The following ACTA1 variants were observed in gnomAD, a reference collection of about 807,000 sequenced individuals.
ACTA1 encodes actin alpha 1, skeletal muscle, also known as actin, alpha skeletal muscle.
A neutral mutation model predicts 35.8 loss-of-function variants in ACTA1; 25 were observed. That is an observed-to-expected ratio of 0.70 (90% CI 0.51 to 0.97). ACTA1 has a LOEUF of 0.97. Ranked by LOEUF, ACTA1 falls within the 50% of genes least tolerant of loss-of-function variation. The pLI is 0.00. For synonymous variants in ACTA1, 219 were observed against 217.1 expected (o/e 1.01, Z -0.08); for missense variants, 174 against 533.0 (o/e 0.33, Z 6.63).
rs1273559032 is a variant in ACTA1 at position 229,432,619 on chromosome 1, C to T, written c.391G>A (p.Val131Met). ...TGGATGGCCACGTACATGGCGGGCA[C>T]GTTGAAGGTCTCAAACATGATCTGG... The part of the protein sequence containing the change: ...MTQIMFETFN[V>M]PAMYVAIQAV... The change falls in exon 3 of 7, where the codon GTG becomes ATG. Residue 131 changes from valine to methionine, a missense_variant. Coordinates refer to ENST00000366684, the MANE Select transcript of ACTA1 (RefSeq NM_001100.4). 3.1e-6 allele frequency: 5 copies of T among 1,613,918 alleles called. No homozygotes were observed. The highest frequency in any genetic ancestry group is 4.2e-6 in the Non-Finnish European group (5 of 1,179,972).
In ACTA1 at chr1:229,432,229, G is replaced by C. The variant is rs749765603; in HGVS notation, c.616+41C>G. On this transcript the variant is annotated intron_variant, in intron 4 of 6. Transcript: ENST00000366684. ...GGAGAGGAGCCCTCACTCAGGGGCC[G>C]CCGCCGGCCCTCCCGCCCGGGGTGC... The C allele has an allele frequency of 2.5e-6, 4 of 1,612,532 alleles. No homozygotes were observed. In the East Asian group the frequency reaches 8.9e-5, roughly 36 times the overall value.
Position 229,431,914 on chromosome 1 carries a change from G to GA in ACTA1, c.809-13_809-12insT. ...CGCCGACTCCATACCTGGGGACCGCGGCGGGGAGCGTGAGCAGAAGCTCGG... is the reference window on the plus strand; with the variant it reads ...CGCCGACTCCATACCTGGGGACCGCGAGCGGGGAGCGTGAGCAGAAGCTCGG... On this transcript the variant is annotated splice_polypyrimidine_tract_variant and intron_variant, in intron 5 of 6. Transcript: ENST00000366684. This position sits in a 1 kb window ranked among gnomAD's most constrained non-coding sequence, Gnocchi z 7.1. 3 of 1,571,296 alleles carry GA rather than the reference G, an allele frequency of 1.9e-6. No individual in the cohort carries two copies. The highest frequency in any genetic ancestry group is 2.6e-6 in the Non-Finnish European group (3 of 1,159,048).
In ACTA1 at chr1:229,431,955, C is replaced by T. The variant is rs1571892875; in HGVS notation, c.808+39G>A. Reference sequence around the variant, plus strand: ...AGAAGCTCGGGGCGCCGGGGGCCGGCGGGGCCTGGGGGCCGGGGCGAGGGC... The same window carrying T: ...AGAAGCTCGGGGCGCCGGGGGCCGGTGGGGCCTGGGGGCCGGGGCGAGGGC... On this transcript the variant is annotated intron_variant, in intron 5 of 6. Transcript: ENST00000366684. This position sits in a 1 kb window ranked among gnomAD's most constrained non-coding sequence, Gnocchi z 7.1. The T allele has an allele frequency of 6.9e-6, 11 of 1,605,722 alleles. No homozygotes were observed. The highest frequency in any genetic ancestry group is 5.5e-5 in the South Asian group (5 of 90,676).
rs1416312998 is a variant in ACTA1 at position 229,432,187 on chromosome 1, T to G, written c.617-2A>C. On this transcript the variant is annotated splice_acceptor_variant, in intron 4 of 6. Transcript: ENST00000366684. LOFTEE classifies it high-confidence loss of function. ...TGTCGCGCACGATCTCGCGCTCAGC[T>G]GCGGAGGGCAGAAGCAGGAGAGGAG... 1.2e-6 allele frequency: 2 copies of G among 1,613,364 alleles called. No homozygotes were observed. Among genetic ancestry groups the G allele is most frequent in the Non-Finnish European group, 1.7e-6 (2 of 1,179,700 alleles).
rs200705851 is a variant in ACTA1, at chr1:229,432,250, G to T, written c.616+20C>A. On this transcript the variant is annotated intron_variant, in intron 4 of 6. Transcript: ENST00000366684. Reference sequence around the variant, plus strand: ...GGCCGCCGCCGGCCCTCCCGCCCGGGGTGCAGGGGCGCCGCGCACCTGTGG... The same window carrying T: ...GGCCGCCGCCGGCCCTCCCGCCCGGTGTGCAGGGGCGCCGCGCACCTGTGG... 93 of 1,613,320 alleles carry T rather than the reference G, an allele frequency of 5.8e-5. 1 individual carries two copies. The highest frequency in any genetic ancestry group is 2.5e-4 in the Admixed American group (15 of 59,950).
intron 1 of ACTA1, 65 bp from the exon 2 acceptor site, chr1:229,433,192 G>A (rs553810590): frequency 5.7e-5 from 91 of 1,608,388 alleles, no homozygotes; most frequent in Middle Eastern, 1.8e-4. Context: ...GCGGCAGGGG[G>A]GGGTAAGCCT....
chr1:229,431,719 A>T lies in ACTA1; in HGVS notation c.990+2T>A. On this transcript the variant is annotated splice_donor_variant, in intron 6 of 6. Transcript: ENST00000366684. LOFTEE classifies it high-confidence loss of function. The surrounding 1 kb of genome is among the most constrained non-coding windows in gnomAD (Gnocchi z 7.1). ...CGACAGCCCGCGCAGGCCACCACCC[A>T]CCTTGATCTTCATGGTGCTGGGTGC... 6.2e-7 allele frequency: 1 copy of T among 1,613,968 alleles called. No homozygotes were observed.
rs977214453 is a variant in ACTA1 at position 229,432,169 on chromosome 1, C to T, written c.633G>A (p.Val211=). The T allele has an allele frequency of 1.2e-6, 2 of 1,613,592 alleles. No homozygotes were observed. Among genetic ancestry groups the T allele is most frequent in the Non-Finnish European group, 1.7e-6 (2 of 1,179,840 alleles). ...AGCACAGCTTCTCCTTGATGTCGCG[C>T]ACGATCTCGCGCTCAGCTGCGGAGG... ...SFVTTAEREI[V]RDIKEKLCYV... The change falls in exon 5 of 7, where the codon GTG becomes GTA. Residue 211 remains valine, a synonymous_variant. Transcript: ENST00000366684.
At position 229,432,303 on chromosome 1, in the gene ACTA1, G is replaced by A; in HGVS notation, c.583C>T (p.Leu195Phe). ...ACGAAGGAGTAGCCACGCTCAGTGA[G>A]GATCTTCATCAGGTAGTCGGTGAGA... ...RDLTDYLMKI[L>F]TERGYSFVTT... is the part of the protein sequence containing the mutation. The change falls in exon 4 of 7, where the codon CTC (leucine) becomes TTC (phenylalanine). Residue 195 changes from leucine to phenylalanine, a missense_variant. Transcript: ENST00000366684. 6.2e-7 allele frequency: 1 copy of A among 1,613,814 alleles called. No individual in the cohort carries two copies.
rs757210215 is a variant in ACTA1 at position 229,431,928 on chromosome 1, G to T, written c.809-26C>A. 5.0e-6 allele frequency: 8 copies of T among 1,603,454 alleles called. No homozygotes were observed. Among genetic ancestry groups the T allele is most frequent in the South Asian group, 1.1e-5 (1 of 90,860 alleles). ...CTGGGGACCGCGGCGGGGAGCGTGAGCAGAAGCTCGGGGCGCCGGGGGCCG... is the reference window on the plus strand; with the variant it reads ...CTGGGGACCGCGGCGGGGAGCGTGATCAGAAGCTCGGGGCGCCGGGGGCCG... On this transcript the variant is annotated intron_variant, in intron 5 of 6. Transcript: ENST00000366684. This position sits in a 1 kb window ranked among gnomAD's most constrained non-coding sequence, Gnocchi z 7.1.
In ACTA1 at chr1:229,431,274, GCTT is replaced by G. The variant is rs1571891968; in HGVS notation, c.*222_*224del. 1.5e-6 allele frequency: 1 copy of G among 648,940 alleles called. No individual in the cohort carries two copies. The highest frequency in any genetic ancestry group is 2.7e-6 in the Non-Finnish European group (1 of 376,340). 40.2% of individuals were successfully genotyped at this position (648,940 alleles called of 1,614,324 possible). On this transcript the variant is annotated 3_prime_UTR_variant, in exon 7 of 7. Coordinates refer to ENST00000366684, the MANE Select transcript of ACTA1 (RefSeq NM_001100.4). This position sits in a 1 kb window ranked among gnomAD's most constrained non-coding sequence, Gnocchi z 7.1. ...CGCAGCTTAACAGAATGACTTTAAT[GCTT>G]CTTCAAGTTTTCCATTTTCTTCCAC...
chr1:229,432,518 G>C (rs1455946501), intron 3 of ACTA1, 38 bp downstream of exon 3: 2 of 1,481,018 alleles, frequency 1.4e-6, no homozygotes, highest in Non-Finnish European at 1.8e-6. Flanking sequence ...GGGCGGGGGC[G>C]GGGGCGGGAG....
chr1:229,431,656 C>A lies in ACTA1; in HGVS notation c.991-14G>T, dbSNP rs1396555605. The A allele has an allele frequency of 5.6e-6, 9 of 1,613,884 alleles. No homozygotes were observed. The African/African-American group carries it at 8.0e-5, about 14-fold the overall frequency. ...CGGGGCGATGATCTGCAAGACAGCG[C>A]GTGAGGTGGGGAGACCTCACCCTGG... On this transcript the variant is annotated splice_polypyrimidine_tract_variant and intron_variant, in intron 6 of 6. Coordinates refer to ENST00000366684, the MANE Select transcript of ACTA1 (RefSeq NM_001100.4). The surrounding 1 kb of genome is among the most constrained non-coding windows in gnomAD (Gnocchi z 7.1).
In ACTA1 at chr1:229,432,644, G is replaced by T. The variant is rs200258538; in HGVS notation, c.366C>A (p.Thr122=). The T allele has an allele frequency of 1.2e-6, 2 of 1,613,996 alleles. No homozygotes were observed. Among genetic ancestry groups the T allele is most frequent in the African/African-American group, 1.3e-5 (1 of 74,906 alleles). ...LNPKANREKM[T]QIMFETFNVP... ...CGTTGAAGGTCTCAAACATGATCTG[G>T]GTCATCTTCTCGCGGTTGGCCTTGG... Residue 122 remains threonine (T), a synonymous_variant, in exon 3 of 7, where the codon ACC becomes ACA. Transcript: ENST00000366684.
rs757460951 is a variant in ACTA1 at position 229,433,130 on chromosome 1, G to T, written c.-12-3C>A. On this transcript the variant is annotated splice_region_variant and splice_polypyrimidine_tract_variant and intron_variant, in intron 1 of 6. Transcript: ENST00000366684. ...TCGTCGCACATTGTGTCTAGTTTCT[G>T]CAAGGACAGGGAGACCGCGAAGAGG... The T allele has an allele frequency of 6.2e-7, 1 of 1,614,052 alleles. No homozygotes were observed. Among genetic ancestry groups the T allele is most frequent in the South Asian group, 1.1e-5 (1 of 91,076 alleles).
intron 3 of ACTA1, 42 bp downstream of exon 3, chr1:229,432,514 G>T: frequency 6.9e-7 from 1 of 1,449,750 alleles, no homozygotes; most frequent in Non-Finnish European, 9.3e-7. Context: ...GCGGGGGCGG[G>T]GGCGGGGGCG....
chr1:229,432,506 G>T, intron 3 of ACTA1, 50 bp downstream of exon 3: 1 of 1,486,054 alleles, frequency 6.7e-7, no homozygotes, highest in South Asian at 1.3e-5. Flanking sequence ...CGGCGGGGGC[G>T]GGGGCGGGGG....
rs778739385 is a variant in ACTA1, at chr1:229,432,699, G to C, written c.311C>G (p.Pro104Arg). ...NELRVAPEEH[P>R]TLLTEAPLNP... is the part of the protein sequence containing the mutation. The stretch of plus-strand genomic sequence containing the variant: ...GAGGGGGGCCTCGGTGAGCAGGGTG[G>C]GGTGCTCCTCGGGAGCCACGCGAAG... Residue 104 changes from proline to arginine, a missense_variant, in exon 3 of 7, where the codon CCC becomes CGC. Pro to Arg is a moderately radical substitution (Grantham distance 103). Transcript: ENST00000366684. 1 of 1,614,174 alleles carries C rather than the reference G, an allele frequency of 6.2e-7. No individual in the cohort carries two copies. Among genetic ancestry groups the C allele is most frequent in the Non-Finnish European group, 8.5e-7 (1 of 1,180,018 alleles).
chr1:229,432,923 G>T (rs1486675136), intron 2 of ACTA1, 43 bp from the exon 3 acceptor site: 1 of 1,613,930 alleles, frequency 6.2e-7, no homozygotes, highest in Non-Finnish European at 8.5e-7. Context: ...GCCGCTCCGG[G>T]TGGCACCAGG....
Sources: gnomAD v4.1 joint callset for allele counts on GRCh38, gnomAD v4.1.1 for gene constraint, Gnocchi (gnomAD v3.1) non-coding constraint, MANE v1.5 for transcripts, NCBI Gene and HGNC (gene_info 2026-07-23, HGNC 2026-07-21) for gene names.